Variants in IL23R observed in about 807,000 individuals in gnomAD.
The protein encoded by IL23R is interleukin 23 receptor.
A neutral mutation model predicts 56.9 loss-of-function variants in IL23R; 34 were observed. The observed-to-expected ratio is 0.60, with a 90% CI of 0.45 to 0.80. The LOEUF is 0.80. IL23R is among the 30% of genes least tolerant of loss of function. IL23R has a pLI of 0.00. For synonymous variants in IL23R, 230 were observed against 249.2 expected (o/e 0.92, Z 0.73); for missense variants, 635 against 730.0 (o/e 0.87, Z 1.50).
At chr1:67,208,864 G>A (rs761180002) in intron 6 of IL23R, among the ~76,000 whole-genome samples, 15 of 152,112 alleles carry the variant, frequency 9.9e-5, no homozygotes, top group South Asian at 4.1e-4. Context: ...AGCTTGAACC[G>A]TGCACCTGGA....
intron 1 of IL23R, among the ~76,000 whole-genome samples, chr1:67,152,625 A>C (rs1434365324): frequency 3.3e-5 from 5 of 152,174 alleles, no homozygotes; most frequent in Non-Finnish European, 7.3e-5. Context: ...ATATTCCATC[A>C]ATGCCTAGTT....
chr1:67,205,992 T>C (rs1481327849), intron 5 of IL23R, among the ~76,000 whole-genome samples: 1 of 151,086 alleles, frequency 6.6e-6, no homozygotes, highest in East Asian at 1.9e-4. Flanking sequence ...TTCCTTTCTT[T>C]CTCTTTTCCT....
chr1:67,178,518 G>A (rs1382299947), intron 3 of IL23R, among the ~76,000 whole-genome samples: 1 of 152,154 alleles, frequency 6.6e-6, no homozygotes, highest in Non-Finnish European at 1.5e-5. Context: ...GAGATTTTGG[G>A]CTGAGACGAT....
chr1:67,176,980 C>G (rs1307477012), intron 3 of IL23R, among the ~76,000 whole-genome samples: 1 of 152,128 alleles, frequency 6.6e-6, no homozygotes, highest in South Asian at 2.1e-4. Context: ...GTATTCCATG[C>G]TATATATGTG....
At chr1:67,218,291 C>CATATACAT (rs1408041177) in intron 6 of IL23R, among the ~76,000 whole-genome samples, 2 of 148,050 alleles carry the variant, frequency 1.4e-5, no homozygotes. Flanking sequence ...TATATACATA[C>CATATACAT]ATATACATAT....
intron 1 of IL23R, among the ~76,000 whole-genome samples, chr1:67,144,316 G>T (rs563727787): frequency 4.6e-5 from 7 of 152,258 alleles, no homozygotes; most frequent in African/African-American, 1.7e-4. Flanking sequence ...TGCTACTGGG[G>T]TCTGATTTGT....
At chr1:67,219,217 A>T (rs1466910877) in intron 6 of IL23R, among the ~76,000 whole-genome samples, 2 of 151,946 alleles carry the variant, frequency 1.3e-5, no homozygotes, top group African/African-American at 4.8e-5. Context: ...AAATACAAAA[A>T]AGTAGCCAGG....
chr1:67,176,646 A>T (rs1647013230), intron 3 of IL23R, among the ~76,000 whole-genome samples: 2 of 152,190 alleles, frequency 1.3e-5, no homozygotes, highest in South Asian at 4.2e-4. Flanking sequence ...TAATTTTTTT[A>T]AATTATACTT....
upstream of IL23R, among the ~76,000 whole-genome samples, chr1:67,164,025 A>C (rs1646847486): frequency 6.6e-6 from 1 of 152,212 alleles, no homozygotes; most frequent in Non-Finnish European, 1.5e-5. Flanking sequence ...GGACTATATC[A>C]AACTAAAAAG....
intron 5 of IL23R, among the ~76,000 whole-genome samples, chr1:67,206,433 C>T (rs146226313): frequency 9.2e-5 from 14 of 152,230 alleles, no homozygotes; most frequent in African/African-American, 3.4e-4. Flanking sequence ...ATCTCAGCCT[C>T]CTGAGTAGTT....
intron 1 of IL23R, among the ~76,000 whole-genome samples, chr1:67,144,378 C>A (rs1646662595): frequency 6.6e-6 from 1 of 152,154 alleles, no homozygotes; most frequent in South Asian, 2.1e-4. Context: ...TTTTAAAAAA[C>A]AAATTTTGTA....
At chr1:67,189,718 G>C (rs1647604288) in intron 4 of IL23R, among the ~76,000 whole-genome samples, 1 of 152,214 alleles carries the variant, frequency 6.6e-6, no homozygotes, top group Admixed American at 6.5e-5. Context: ...GCTGAGGCAG[G>C]TGGATTGCTT....
chr1:67,237,330 C>T (rs1355148800), intron 8 of IL23R, among the ~76,000 whole-genome samples: 3 of 152,140 alleles, frequency 2.0e-5, no homozygotes, highest in South Asian at 2.1e-4. Context: ...TGTGAGCCAC[C>T]GCACCTGGCC....
intron 10 of IL23R, among the ~76,000 whole-genome samples, chr1:67,256,942 A>C (rs1652983917): frequency 6.6e-6 from 1 of 152,186 alleles, no homozygotes; most frequent in Non-Finnish European, 1.5e-5. Context: ...CTGTAACACA[A>C]GACTTCTGTG....
At chr1:67,191,311 C>T (rs1392289570) in intron 4 of IL23R, among the ~76,000 whole-genome samples, 1 of 152,182 alleles carries the variant, frequency 6.6e-6, no homozygotes, top group African/African-American at 2.4e-5. Context: ...CCACAGCCTC[C>T]CTCATTGACT....
At chr1:67,163,252 T>C (rs2863207), upstream of IL23R, among the ~76,000 whole-genome samples, 72,403 of 151,308 alleles carry the variant, frequency 0.48, 17,979 homozygotes, top group South Asian at 0.63. Flanking sequence ...GCAGATCACT[T>C]GAGATTAGGA....
the IL23R span, among the ~76,000 whole-genome samples, chr1:67,265,871 C>T: frequency 6.6e-6 from 1 of 150,442 alleles, no homozygotes; most frequent in African/African-American, 2.4e-5. Context: ...AAGACCCTGT[C>T]TCAAAAAAAA....
Position 67,194,863 on chromosome 1 carries a change from G to A in IL23R, c.492-5874G>A, listed in dbSNP as rs183684756. ...ACAAGTTCTCTGTTAAGGTATTTAC[G>A]TTTCATCTTATTTCAGAAAGAATAT... On this transcript the variant is annotated intron_variant, in intron 4 of 10. Coordinates refer to ENST00000347310, the MANE Select transcript of IL23R (RefSeq NM_144701.3). Among the ~76,000 whole-genome samples, 83 of 152,168 alleles carry A rather than the reference G, an allele frequency of 5.5e-4. No homozygotes were observed. In the East Asian group the frequency reaches 0.012, roughly 22 times the overall value.
chr1:67,174,227 G>A (rs918880864), intron 3 of IL23R, among the ~76,000 whole-genome samples: 1 of 151,828 alleles, frequency 6.6e-6, no homozygotes, highest in Non-Finnish European at 1.5e-5. Flanking sequence ...ATTGTGATAT[G>A]TAAAGTGCTC....
Sources: gnomAD v4.1 joint callset for allele counts (sites outside exome capture counted in the v4.1 genomes callset) on GRCh38, gnomAD v4.1.1 for gene constraint, MANE v1.5 for transcripts, NCBI Gene and HGNC (gene_info 2026-07-23, HGNC 2026-07-21) for gene names.